The following ERBB4 variants were observed in gnomAD, a reference collection of about 807,000 sequenced individuals.
ERBB4 encodes the protein receptor tyrosine-protein kinase erbB-4.
A neutral mutation model predicts 158.0 loss-of-function variants in ERBB4; 42 were observed. That is an observed-to-expected ratio of 0.27 (90% confidence interval 0.21 to 0.34). The LOEUF (loss-of-function observed/expected upper bound fraction) is 0.34. ERBB4 is among the 10% of genes least tolerant of loss of function. The probability of loss-of-function intolerance (pLI) is 1.00; values close to 1 mark genes in which losing one functional copy is unlikely to be tolerated. For synonymous variants in ERBB4, 583 were observed against 558.7 expected (o/e 1.04, Z -0.61); for missense variants, 1,333 against 1,624.1 (o/e 0.82, Z 3.08).
At position 211,644,566 on chromosome 2, in the gene ERBB4, T is replaced by C. The variant is rs144925343; in HGVS notation, c.1946+13188A>G. ...ATTTACATGCAAAATAAATCATTAC[T>C]ACTAAGGAAAAAACCCACATCTACA... On this transcript the variant is annotated intron_variant, in intron 16 of 27. Coordinates refer to ENST00000342788, the MANE Select transcript of ERBB4 (RefSeq NM_005235.3). Among the ~76,000 whole-genome samples the C allele has an allele frequency of 3.6e-4, 55 of 152,092 alleles. No individual in the cohort carries two copies. In the East Asian group the frequency reaches 0.011, roughly 29 times the overall value.
chr2:212,103,269 A>G (rs1404475104), intron 2 of ERBB4, among the ~76,000 whole-genome samples: 1 of 152,086 alleles, frequency 6.6e-6, no homozygotes, highest in Non-Finnish European at 1.5e-5. Context: ...AGTCATTTTG[A>G]TAAGTCTTCC....
chr2:212,331,071 T>TATATATATATAGATATAC, intron 1 of ERBB4, among the ~76,000 whole-genome samples: 1 of 120,068 alleles, frequency 8.3e-6, no homozygotes, highest in Non-Finnish European at 1.8e-5. Flanking sequence ...TATATATATA[T>TATATATATATAGATATAC]ACACATATAT....
chr2:211,823,236 G>A (rs1439246), intron 3 of ERBB4, among the ~76,000 whole-genome samples: 1 of 151,736 alleles, frequency 6.6e-6, no homozygotes, highest in African/African-American at 2.4e-5. Flanking sequence ...GGGGCAATAG[G>A]TAAGTGAAAC....
intron 1 of ERBB4, among the ~76,000 whole-genome samples, chr2:212,389,276 T>C (rs932661532): frequency 1.3e-5 from 2 of 152,054 alleles, no homozygotes; most frequent in African/African-American, 4.8e-5. Flanking sequence ...AAAATGAGTA[T>C]TCACCAAAAT....
chr2:211,670,089 A>G (rs2071781155), intron 14 of ERBB4, among the ~76,000 whole-genome samples: 1 of 152,176 alleles, frequency 6.6e-6, no homozygotes, highest in Admixed American at 6.6e-5. Flanking sequence ...TTCTTCCTCA[A>G]TTTCATCAAA....
At chr2:212,053,596 C>T (rs1323088333) in intron 2 of ERBB4, among the ~76,000 whole-genome samples, 1 of 152,172 alleles carries the variant, frequency 6.6e-6, no homozygotes, top group Non-Finnish European at 1.5e-5. Context: ...GTTTAACACC[C>T]TTCAAATATT....
At chr2:211,995,014 C>T (rs749907655) in intron 2 of ERBB4, among the ~76,000 whole-genome samples, 17 of 152,070 alleles carry the variant, frequency 1.1e-4, no homozygotes, top group African/African-American at 2.7e-4. Flanking sequence ...CATGGATCAC[C>T]GCCATCATTC....
intron 3 of ERBB4, among the ~76,000 whole-genome samples, chr2:211,895,342 C>G (rs767091770): frequency 6.6e-5 from 10 of 152,162 alleles, no homozygotes; most frequent in Non-Finnish European, 1.3e-4. Flanking sequence ...ACTTCAATCT[C>G]GAACTCCTGG....
At chr2:212,172,039 C>T (rs6752323) in intron 1 of ERBB4, among the ~76,000 whole-genome samples, 92,554 of 151,858 alleles carry the variant, frequency 0.61, 29,296 homozygotes, top group African/African-American at 0.67. Context: ...AGGTGTGATA[C>T]CTAGCATCTC....
At chr2:211,670,889 T>G (rs2071811415) in intron 14 of ERBB4, among the ~76,000 whole-genome samples, 1 of 152,178 alleles carries the variant, frequency 6.6e-6, no homozygotes. Context: ...TTTTCTCACC[T>G]GAAAACTAAT....
chr2:212,378,653 C>G (rs996719377), intron 1 of ERBB4, among the ~76,000 whole-genome samples: 3 of 151,746 alleles, frequency 2.0e-5, no homozygotes, highest in African/African-American at 7.3e-5. Flanking sequence ...ATTCAATCTT[C>G]TTTATCTTTT....
chr2:211,741,110 GC>G (rs2074780994), intron 5 of ERBB4, among the ~76,000 whole-genome samples: 1 of 152,006 alleles, frequency 6.6e-6, no homozygotes, highest in Non-Finnish European at 1.5e-5. Flanking sequence ...AAATAGTATG[GC>G]TGTCCTATTC....
intron 3 of ERBB4, among the ~76,000 whole-genome samples, chr2:211,829,480 G>T (rs992868518): frequency 3.3e-5 from 5 of 151,880 alleles, no homozygotes; most frequent in African/African-American, 1.2e-4. Flanking sequence ...TACTTTCTAC[G>T]TCATCACTCT....
At chr2:212,505,416 G>GTCCTCACAATGTGTC in intron 1 of ERBB4, among the ~76,000 whole-genome samples, 1 of 149,714 alleles carries the variant, frequency 6.7e-6, no homozygotes, top group South Asian at 2.1e-4. Flanking sequence ...CTCTTGAAGA[G>GTCCTCACAATGTGTC]AGTGAGTATT....
chr2:212,242,651 G>A (rs2084152703), intron 1 of ERBB4, among the ~76,000 whole-genome samples: 2 of 151,986 alleles, frequency 1.3e-5, no homozygotes, highest in African/African-American at 4.8e-5. Context: ...TTCAGTTATA[G>A]CATGTTACCA....
At chr2:211,607,888 T>TTTTTTTTTTTTTTTTTTTTTTTTTC (rs35895749) in intron 19 of ERBB4, among the ~76,000 whole-genome samples, 2 of 118,864 alleles carry the variant, frequency 1.7e-5, no homozygotes, top group African/African-American at 3.0e-5. Context: ...TTTTTTTTTT[T>TTTTTTTTTTTTTTTTTTTTTTTTTC]AGACAGGGTC....
intron 1 of ERBB4, among the ~76,000 whole-genome samples, chr2:212,389,183 A>C (rs572221106): frequency 3.9e-5 from 6 of 152,194 alleles, no homozygotes; most frequent in African/African-American, 1.4e-4. Context: ...CATTTTGGTA[A>C]ATGTGATGTA....
Position 212,054,130 on chromosome 2 carries a change from G to C in ERBB4, c.234+70622C>G, listed in dbSNP as rs555296218. ...CCTGTCCTCATCTCAAATCCAGTGA[G>C]GGAGGTTTCCACTGTGCTATGTGGA... is the stretch of plus-strand genomic sequence containing the variant. On this transcript the variant is annotated intron_variant, in intron 2 of 27. Coordinates refer to ENST00000342788, the MANE Select transcript of ERBB4 (RefSeq NM_005235.3). 3.9e-5 allele frequency among the ~76,000 whole-genome samples: 6 copies of C among 152,212 alleles called. No individual in the cohort carries two copies. In the South Asian group the frequency reaches 1.0e-3, roughly 26 times the overall value.
intron 16 of ERBB4, among the ~76,000 whole-genome samples, chr2:211,647,780 T>C (rs989367723): frequency 2.0e-5 from 3 of 151,752 alleles, no homozygotes; most frequent in Non-Finnish European, 4.4e-5. Context: ...AATATTTACA[T>C]TACCAACAAA....
Sources: gnomAD v4.1 joint callset for allele counts (sites outside exome capture counted in the v4.1 genomes callset) on GRCh38, gnomAD v4.1.1 for gene constraint, MANE v1.5 for transcripts, NCBI Gene and HGNC (gene_info 2026-07-23, HGNC 2026-07-21) for gene names.